The following AKAP19 variants were observed in gnomAD, a reference collection of about 807,000 sequenced individuals.
AKAP19 encodes the protein A-kinase anchoring protein 19.
the AKAP19 span, among the ~76,000 whole-genome samples, chr2:190,147,747 TTTG>T: frequency 4.6e-5 from 7 of 151,626 alleles, no homozygotes; most frequent in Non-Finnish European, 8.8e-5. Flanking sequence ...AGGTTTTTTT[TTTG>T]TTGTTGTTGT....
chr2:190,091,547 A>AACACACACACACACACACACAC, the AKAP19 span, among the ~76,000 whole-genome samples: 30,239 of 150,256 alleles, frequency 0.2, 3,500 homozygotes, highest in Middle Eastern at 0.31. Context: ...TCTTTTGTTA[A>AACACACACACACACACACACAC]ACACACACAC....
At chr2:190,077,868 C>T in the AKAP19 span, among the ~76,000 whole-genome samples, 1 of 152,244 alleles carries the variant, frequency 6.6e-6, no homozygotes, top group Admixed American at 6.5e-5. Flanking sequence ...CTAGTTTAGT[C>T]TGATTATTAA....
chr2:189,971,597 C>T, the AKAP19 span, among the ~76,000 whole-genome samples: 43 of 152,188 alleles, frequency 2.8e-4, no homozygotes, highest in Admixed American at 7.2e-4. Context: ...TACAGTCCCA[C>T]CAACAGTGTA....
chr2:189,901,548 G>A, the AKAP19 span, among the ~76,000 whole-genome samples: 1 of 152,072 alleles, frequency 6.6e-6, no homozygotes. Context: ...ATGTTGGCCA[G>A]GCTGGTCTCA....
the AKAP19 span, among the ~76,000 whole-genome samples, chr2:189,971,685 G>T: frequency 6.6e-6 from 1 of 152,170 alleles, no homozygotes; most frequent in Non-Finnish European, 1.5e-5. Flanking sequence ...TCTAACTGGT[G>T]TGAGATGGTA....
the AKAP19 span, among the ~76,000 whole-genome samples, chr2:190,178,259 G>T: frequency 6.6e-6 from 1 of 152,160 alleles, no homozygotes; most frequent in East Asian, 1.9e-4. This position sits in a 1 kb window ranked among gnomAD's most constrained non-coding sequence, Gnocchi z 6.3. Flanking sequence ...AAGTTCCCTC[G>T]ACGCATCTTC....
the AKAP19 span, among the ~76,000 whole-genome samples, chr2:189,909,303 A>G: frequency 3.0e-5 from 1 of 33,318 alleles, no homozygotes; most frequent in Non-Finnish European, 6.9e-5. Flanking sequence ...TGTTTTAATA[A>G]AAATTTCAGT....
chr2:190,049,099 G>A, the AKAP19 span, among the ~76,000 whole-genome samples: 12 of 151,866 alleles, frequency 7.9e-5, no homozygotes, highest in South Asian at 4.2e-4. Context: ...CATTAAAAAC[G>A]CAAGAAATCA....
chr2:190,015,439 G>A, the AKAP19 span, among the ~76,000 whole-genome samples: 12 of 152,270 alleles, frequency 7.9e-5, no homozygotes, highest in Middle Eastern at 3.4e-3. Context: ...GCCAAGTCCC[G>A]AGGCTGCACA....
chr2:189,915,626 CA>C, the AKAP19 span, among the ~76,000 whole-genome samples: 3 of 152,040 alleles, frequency 2.0e-5, no homozygotes, highest in African/African-American at 7.2e-5. Flanking sequence ...TTTAAGACTT[CA>C]AATTTCACCA....
the AKAP19 span, among the ~76,000 whole-genome samples, chr2:190,084,981 C>G: frequency 1.3e-5 from 2 of 152,236 alleles, no homozygotes; most frequent in South Asian, 2.1e-4. Context: ...GCTGTAAAGC[C>G]CATCTTCTAC....
the AKAP19 span, among the ~76,000 whole-genome samples, chr2:190,171,042 G>A: frequency 6.6e-6 from 1 of 152,090 alleles, no homozygotes; most frequent in Non-Finnish European, 1.5e-5. Context: ...TTGGTGGCTA[G>A]TCCTTTAAAT....
the AKAP19 span, chr2:190,200,638 TTCTTGACAC>T: frequency 5.8e-6 from 1 of 172,288 alleles, no homozygotes; most frequent in Admixed American, 6.0e-5. Context: ...GGATCTCTAC[TTCTTGACAC>T]AAATGAACCC....
At chr2:190,098,376 C>G in the AKAP19 span, among the ~76,000 whole-genome samples, 7 of 152,156 alleles carry the variant, frequency 4.6e-5, no homozygotes, top group African/African-American at 1.7e-4. Flanking sequence ...TACACCAATG[C>G]TCTGGTCACC....
chr2:189,998,738 T>G, the AKAP19 span, among the ~76,000 whole-genome samples: 3 of 151,024 alleles, frequency 2.0e-5, no homozygotes, highest in Non-Finnish European at 4.4e-5. Flanking sequence ...TTTTTTCTTT[T>G]TACTTTTCTC....
At chr2:190,167,492 T>C in the AKAP19 span, among the ~76,000 whole-genome samples, 1 of 152,212 alleles carries the variant, frequency 6.6e-6, no homozygotes, top group Non-Finnish European at 1.5e-5. Context: ...TCTTAACTCA[T>C]TTCAGCATTA....
At chr2:190,187,651 G>T in the AKAP19 span, among the ~76,000 whole-genome samples, 1 of 152,264 alleles carries the variant, frequency 6.6e-6, no homozygotes, top group African/African-American at 2.4e-5. Context: ...CTTGACGCCA[G>T]GAGTTCACAA....
the AKAP19 span, among the ~76,000 whole-genome samples, chr2:189,952,100 C>T: frequency 2.0e-5 from 3 of 152,208 alleles, no homozygotes; most frequent in Admixed American, 6.5e-5. Context: ...TGTCTTGTAT[C>T]CTCACAATTT....
chr2:190,143,020 A>T, the AKAP19 span, among the ~76,000 whole-genome samples: 1 of 151,874 alleles, frequency 6.6e-6, no homozygotes, highest in Admixed American at 6.6e-5. Context: ...CTAAATATGG[A>T]TGTTCTTGGA....
Sources: allele counts gnomAD v4.1 joint callset (sites outside exome capture counted in the v4.1 genomes callset), GRCh38; gene constraint gnomAD v4.1.1; non-coding constraint Gnocchi (gnomAD v3.1); transcripts MANE v1.5; gene names NCBI Gene and HGNC (gene_info 2026-07-23, HGNC 2026-07-21).